Variants in SEMA3E observed in about 807,000 individuals in gnomAD.
SEMA3E encodes semaphorin-3E.
A neutral mutation model predicts 93.6 loss-of-function variants in SEMA3E; 49 were observed. The ratio of observed to expected loss-of-function variants is 0.52; its 90% CI spans 0.42 to 0.66. SEMA3E has a LOEUF of 0.66. Ranked by LOEUF, SEMA3E falls within the 30% of genes least tolerant of loss-of-function variation. The pLI is 0.00. For missense variants in SEMA3E, 906 were observed against 964.8 expected (o/e 0.94, Z 0.81); for synonymous variants, 363 against 330.7 (o/e 1.10, Z -1.06).
At position 83,408,438 on chromosome 7, in the gene SEMA3E, A is replaced by T; in HGVS notation, c.600T>A (p.Ala200=). The T allele has an allele frequency of 1.9e-6, 3 of 1,613,826 alleles. No homozygotes were observed. In the South Asian group the frequency reaches 3.3e-5, roughly 18 times the overall value. The change falls in exon 6 of 17, where the codon GCT becomes GCA. Residue 200 remains alanine, a synonymous_variant. Coordinates refer to ENST00000643230, the MANE Select transcript of SEMA3E (RefSeq NM_012431.3). ...GLYSDYWSRD[A]AIFRSMGRLA... Reference sequence around the variant, plus strand: ...GTCGCCCCATGCTGCGGAAGATCGCAGCGTCTCTGCTCCAGTAGTCACTGT... The same window carrying T: ...GTCGCCCCATGCTGCGGAAGATCGCTGCGTCTCTGCTCCAGTAGTCACTGT...
In SEMA3E at chr7:83,648,897, A is replaced by AAG; in HGVS notation, c.-357_-356dup. 2.2e-5 allele frequency: 4 copies of AAG among 185,078 alleles called. No homozygotes were observed. The highest frequency in any genetic ancestry group is 5.9e-5 in the Admixed American group (1 of 16,892). The allele number at this position is 185,078 out of a possible 1,614,324, so 11.5% of individuals were successfully genotyped here. Reference sequence around the variant, plus strand: ...TGTTCATTCAGAAAAAAAAAAAAAAAAGAGAGAAAAAAACAAAACCGAGCA... The same window carrying AAG: ...TGTTCATTCAGAAAAAAAAAAAAAAAAGAGAGAGAAAAAAACAAAACCGAGCA... On this transcript the variant is annotated 5_prime_UTR_variant, in exon 1 of 17. Coordinates refer to ENST00000643230, the MANE Select transcript of SEMA3E (RefSeq NM_012431.3).
At chr7:83,429,012 T>G (rs1174351941) in intron 4 of SEMA3E, among the ~76,000 whole-genome samples, 1 of 152,140 alleles carries the variant, frequency 6.6e-6, no homozygotes, top group East Asian at 1.9e-4. Flanking sequence ...GAGGAGTATA[T>G]GTGTTTGCGT....
chr7:83,548,760 G>A (rs950618610), intron 1 of SEMA3E, among the ~76,000 whole-genome samples: 10 of 152,066 alleles, frequency 6.6e-5, no homozygotes, highest in East Asian at 1.9e-4. Flanking sequence ...AATACACCAC[G>A]CAGCCTTTTC....
chr7:83,519,756 G>A (rs942143474), intron 1 of SEMA3E, among the ~76,000 whole-genome samples: 14 of 152,150 alleles, frequency 9.2e-5, no homozygotes, highest in Middle Eastern at 3.4e-3. Flanking sequence ...ATTTCTGTAC[G>A]CATAGAACCT....
intron 9 of SEMA3E, among the ~76,000 whole-genome samples, chr7:83,404,324 C>A (rs896161411): frequency 5.9e-5 from 9 of 151,892 alleles, no homozygotes; most frequent in Non-Finnish European, 1.3e-4. Flanking sequence ...GCATTAGAAA[C>A]TACCTACTGA....
At chr7:83,372,503 T>G (rs1311820024) in intron 16 of SEMA3E, 1 of 368,870 alleles carries the variant, frequency 2.7e-6, no homozygotes, top group Non-Finnish European at 4.8e-6. Context: ...ATTAGGGTTG[T>G]TTGTTTGTTG....
chr7:83,581,565 G>T (rs554131502), intron 1 of SEMA3E, among the ~76,000 whole-genome samples: 2 of 152,004 alleles, frequency 1.3e-5, no homozygotes, highest in Non-Finnish European at 2.9e-5. Context: ...CTATTTGTTG[G>T]TGTTTCCAAT....
At chr7:83,452,060 C>G (rs547592979) in intron 4 of SEMA3E, among the ~76,000 whole-genome samples, 2 of 152,202 alleles carry the variant, frequency 1.3e-5, no homozygotes, top group African/African-American at 4.8e-5. Flanking sequence ...ATGGTTTATT[C>G]TTACCATGAA....
At chr7:83,619,796 C>A (rs936507882) in intron 1 of SEMA3E, among the ~76,000 whole-genome samples, 6 of 151,272 alleles carry the variant, frequency 4.0e-5, no homozygotes, top group African/African-American at 1.5e-4. Flanking sequence ...AAAATGAGTG[C>A]TACTGTTGGA....
intron 1 of SEMA3E, among the ~76,000 whole-genome samples, chr7:83,645,086 G>T (rs1794062536): frequency 6.6e-6 from 1 of 151,888 alleles, no homozygotes; most frequent in Non-Finnish European, 1.5e-5. Flanking sequence ...TCTTCTCTGA[G>T]CTCCATTATC....
At chr7:83,419,096 T>C (rs1788621131) in intron 4 of SEMA3E, among the ~76,000 whole-genome samples, 1 of 134,372 alleles carries the variant, frequency 7.4e-6, no homozygotes. Context: ...GCCATCTTTA[T>C]GTCTGCATGT....
intron 4 of SEMA3E, among the ~76,000 whole-genome samples, chr7:83,435,188 C>A (rs1255826090): frequency 6.6e-6 from 1 of 152,190 alleles, no homozygotes; most frequent in African/African-American, 2.4e-5. Context: ...CTGTGTGACT[C>A]AGTTAATACA....
chr7:83,438,002 G>C (rs1789038346), intron 4 of SEMA3E, among the ~76,000 whole-genome samples: 1 of 152,124 alleles, frequency 6.6e-6, no homozygotes, highest in Non-Finnish European at 1.5e-5. Flanking sequence ...ATATGTGCTA[G>C]AAATATTCTG....
chr7:83,571,411 G>A (rs1792284203), intron 1 of SEMA3E, among the ~76,000 whole-genome samples: 1 of 152,108 alleles, frequency 6.6e-6, no homozygotes, highest in Non-Finnish European at 1.5e-5. Context: ...ATACAAGTTT[G>A]GTTAAATGTA....
At chr7:83,449,200 A>G (rs1015186595) in intron 4 of SEMA3E, among the ~76,000 whole-genome samples, 2 of 151,834 alleles carry the variant, frequency 1.3e-5, no homozygotes, top group African/African-American at 4.8e-5. Flanking sequence ...CCTGGGCTCA[A>G]GTGATCCTGC....
At chr7:83,427,603 T>C (rs942812342) in intron 4 of SEMA3E, among the ~76,000 whole-genome samples, 1 of 152,190 alleles carries the variant, frequency 6.6e-6, no homozygotes, top group Non-Finnish European at 1.5e-5. Context: ...ACTTCAATAT[T>C]AGCTATATAT....
At position 83,470,887 on chromosome 7, in the gene SEMA3E, A is replaced by C. The variant is rs748808160; in HGVS notation, c.277-1585T>G. ...CTTTTTTTTTTTTTTTTGGATCTTA[A>C]AGTGGAAAACATGTTTATTAACATT... On this transcript the variant is annotated intron_variant, in intron 2 of 16. Coordinates refer to ENST00000643230, the MANE Select transcript of SEMA3E (RefSeq NM_012431.3). Among the ~76,000 whole-genome samples, 40 of 129,556 alleles carry C rather than the reference A, an allele frequency of 3.1e-4. 1 individual carries two copies. Among genetic ancestry groups the C allele is most frequent in the South Asian group, 4.8e-4 (2 of 4,176 alleles). The allele number at this position is 129,556 out of a possible 152,430, so 85.0% of individuals were successfully genotyped here. A position where few individuals can be genotyped will look rare whatever the true frequency, so the allele number is the denominator to read the frequency against.
intron 1 of SEMA3E, among the ~76,000 whole-genome samples, chr7:83,537,366 A>G (rs547919532): frequency 6.6e-6 from 1 of 152,234 alleles, no homozygotes; most frequent in Admixed American, 6.5e-5. Flanking sequence ...CCAATTCACA[A>G]TCCCTAGAGC....
In SEMA3E at chr7:83,648,622, C is replaced by G. The variant is rs925436582; in HGVS notation, c.-80G>C. On this transcript the variant is annotated 5_prime_UTR_variant, in exon 1 of 17. Coordinates refer to ENST00000643230, the MANE Select transcript of SEMA3E (RefSeq NM_012431.3). ...TTTACTTAGGACTTCCCTCCAGGGG[C>G]AGCGTGCGAGAGGCTTTGTCAGAAA... 9.6e-7 allele frequency: 1 copy of G among 1,037,528 alleles called. No individual in the cohort carries two copies. Among genetic ancestry groups the G allele is most frequent in the African/African-American group, 1.6e-5 (1 of 63,244 alleles). 64.3% of individuals were successfully genotyped at this position (1,037,528 alleles called of 1,614,324 possible). A position where few individuals can be genotyped will look rare whatever the true frequency, so the allele number is the denominator to read the frequency against.
Sources: gnomAD v4.1 joint callset for allele counts (sites outside exome capture counted in the v4.1 genomes callset) on GRCh38, gnomAD v4.1.1 for gene constraint, MANE v1.5 for transcripts, NCBI Gene and HGNC (gene_info 2026-07-23, HGNC 2026-07-21) for gene names.